Variants in ETV6 observed in about 807,000 individuals in gnomAD.
ETV6 encodes transcription factor ETV6.
Under a neutral mutation model 51.1 loss-of-function variants are expected in ETV6, and 16 were observed. That is an observed-to-expected ratio of 0.31 (90% CI 0.21 to 0.48). The LOEUF is 0.48. ETV6 is among the 20% of genes least tolerant of loss of function. ETV6 has a pLI of 0.99. For synonymous variants in ETV6, 240 were observed against 224.1 expected, an observed-to-expected ratio of 1.07 and a Z score of -0.64; for missense variants, 458 against 594.8, an observed-to-expected ratio of 0.77 and a Z score of 2.39.
chr12:11,789,621 G>A (rs948608099), intron 2 of ETV6, among the ~76,000 whole-genome samples: 4 of 152,154 alleles, frequency 2.6e-5, no homozygotes, highest in African/African-American at 9.7e-5. Flanking sequence ...GACCTTGCGT[G>A]TCTGAAGAAT....
intron 2 of ETV6, among the ~76,000 whole-genome samples, chr12:11,825,261 G>A (rs1946135873): frequency 6.6e-6 from 1 of 152,210 alleles, no homozygotes; most frequent in Non-Finnish European, 1.5e-5. Flanking sequence ...GAGTTAACTA[G>A]TGAGAATACA....
intron 1 of ETV6, among the ~76,000 whole-genome samples, chr12:11,665,380 C>A (rs758280143): frequency 2.6e-5 from 4 of 152,244 alleles, no homozygotes; most frequent in Non-Finnish European, 4.4e-5. Flanking sequence ...AAGTCCATTT[C>A]TCAAGCCTCC....
At chr12:11,732,009 A>C (rs1865609127) in intron 1 of ETV6, among the ~76,000 whole-genome samples, 1 of 152,198 alleles carries the variant, frequency 6.6e-6, no homozygotes, top group Non-Finnish European at 1.5e-5. Flanking sequence ...GGGTCACCCA[A>C]GAAGGCGACC....
intron 2 of ETV6, among the ~76,000 whole-genome samples, chr12:11,828,744 T>G (rs1189505562): frequency 6.6e-6 from 1 of 152,292 alleles, no homozygotes. Context: ...TGAGAAGTAC[T>G]TGCTCTAATC....
chr12:11,781,501 T>C (rs1945413616), intron 2 of ETV6, among the ~76,000 whole-genome samples: 1 of 152,242 alleles, frequency 6.6e-6, no homozygotes, highest in Non-Finnish European at 1.5e-5. Flanking sequence ...GATTTGATGC[T>C]CAGCTTTGCC....
At chr12:11,774,640 A>G (rs1297458301) in intron 2 of ETV6, among the ~76,000 whole-genome samples, 1 of 152,200 alleles carries the variant, frequency 6.6e-6, no homozygotes, top group African/African-American at 2.4e-5. Context: ...TTGGCTCACA[A>G]AAGATTATAT....
At chr12:11,699,443 A>G (rs1043892289) in intron 1 of ETV6, among the ~76,000 whole-genome samples, 8 of 152,220 alleles carry the variant, frequency 5.3e-5, no homozygotes, top group Non-Finnish European at 1.0e-4. Flanking sequence ...TTTCCAGCCT[A>G]TAAAACTATA....
chr12:11,857,646 G>A (rs941468869), intron 4 of ETV6, among the ~76,000 whole-genome samples: 6 of 152,268 alleles, frequency 3.9e-5, no homozygotes, highest in Admixed American at 6.5e-5. Flanking sequence ...CAAATATTCA[G>A]GCAAAACCAG....
intron 1 of ETV6, among the ~76,000 whole-genome samples, chr12:11,682,704 T>TG (rs1864554261): frequency 6.6e-6 from 1 of 152,114 alleles, no homozygotes; most frequent in Admixed American, 6.6e-5. Context: ...TATAGGTTTT[T>TG]ATGGACCTAA....
chr12:11,662,099 C>T (rs1462696214), intron 1 of ETV6, among the ~76,000 whole-genome samples: 1 of 152,136 alleles, frequency 6.6e-6, no homozygotes, highest in Non-Finnish European at 1.5e-5. Flanking sequence ...TGCATGTTCC[C>T]ACCCTTCCCA....
At chr12:11,650,630 T>A (rs1863888843) in intron 1 of ETV6, among the ~76,000 whole-genome samples, 1 of 152,162 alleles carries the variant, frequency 6.6e-6, no homozygotes, top group South Asian at 2.1e-4. Context: ...TCTTTTTATT[T>A]TTTTAAAGGA....
intron 2 of ETV6, among the ~76,000 whole-genome samples, chr12:11,812,929 C>G (rs74537009): frequency 2.0e-5 from 3 of 152,212 alleles, no homozygotes; most frequent in African/African-American, 7.2e-5. Flanking sequence ...TCCTGCCACC[C>G]AAGAGGCAGT....
At chr12:11,788,847 C>G (rs1454761678) in intron 2 of ETV6, among the ~76,000 whole-genome samples, 1 of 151,526 alleles carries the variant, frequency 6.6e-6, no homozygotes, top group Admixed American at 6.6e-5. Flanking sequence ...CTACCCCAAC[C>G]CCTCCCATAG....
rs752732480 is a variant in ETV6, at chr12:11,679,237, T to TC, written c.33+29078dup. On this transcript the variant is annotated intron_variant, in intron 1 of 7. Transcript: ENST00000396373. ...CATGTCTCAAAGGATCATTTTTTTTTCTTTACCCACCCCTTTGACTCTCAG... is the reference window on the plus strand; with the variant it reads ...CATGTCTCAAAGGATCATTTTTTTTTCCTTTACCCACCCCTTTGACTCTCAG... Among the ~76,000 whole-genome samples the TC allele has an allele frequency of 2.0e-5, 3 of 152,198 alleles. No individual in the cohort carries two copies. The East Asian group carries it at 5.8e-4, about 29-fold the overall frequency.
intron 2 of ETV6, among the ~76,000 whole-genome samples, chr12:11,810,707 G>A (rs1244176564): frequency 1.3e-5 from 2 of 152,298 alleles, no homozygotes; most frequent in Admixed American, 1.3e-4. Flanking sequence ...AAGGTGGATT[G>A]GGTCCATCTT....
chr12:11,868,012 C>T (rs191068177), intron 4 of ETV6, among the ~76,000 whole-genome samples: 9 of 152,300 alleles, frequency 5.9e-5, no homozygotes, highest in Admixed American at 3.3e-4. Flanking sequence ...ATGTTATCCT[C>T]GCTCACATGT....
At chr12:11,652,803 A>G (rs1321453940) in intron 1 of ETV6, among the ~76,000 whole-genome samples, 1 of 152,244 alleles carries the variant, frequency 6.6e-6, no homozygotes, top group Non-Finnish European at 1.5e-5. Context: ...TGAATTGGTC[A>G]ATCAGTGACG....
At chr12:11,673,213 G>T (rs940767548) in intron 1 of ETV6, among the ~76,000 whole-genome samples, 4 of 152,166 alleles carry the variant, frequency 2.6e-5, no homozygotes, top group African/African-American at 9.7e-5. Flanking sequence ...TGCAGAAGGG[G>T]CAGCTTTCTG....
Position 11,891,119 on chromosome 12 carries a change from A to G in ETV6, c.*73A>G. 4.8e-6 allele frequency: 6 copies of G among 1,244,008 alleles called. No individual in the cohort carries two copies. The highest frequency in any genetic ancestry group is 7.0e-6 in the Non-Finnish European group (6 of 854,828). 77.1% of individuals were successfully genotyped at this position (1,244,008 alleles called of 1,614,324 possible). The stretch of plus-strand genomic sequence containing the variant: ...GCCCACCAGGATTGCTGGAAGTGTG[A>G]CGGAGCAGGCGGGCTGAGGAGAGTG... On this transcript the variant is annotated 3_prime_UTR_variant, in exon 8 of 8. Coordinates refer to ENST00000396373, the MANE Select transcript of ETV6 (RefSeq NM_001987.5).
Sources: allele counts gnomAD v4.1 joint callset (sites outside exome capture counted in the v4.1 genomes callset), GRCh38; gene constraint gnomAD v4.1.1; transcripts MANE v1.5; gene names NCBI Gene and HGNC (gene_info 2026-07-23, HGNC 2026-07-21).